HNRNPH1: variants seen among roughly 807,000 people sequenced by gnomAD.
HNRNPH1 encodes heterogeneous nuclear ribonucleoprotein H1.
A neutral mutation model predicts 58.6 loss-of-function variants in HNRNPH1; 4 were observed. The observed-to-expected ratio is 0.07, with a 90% CI of 0.03 to 0.16. HNRNPH1 has a LOEUF of 0.16. HNRNPH1 is among the 10% of genes least tolerant of loss of function. HNRNPH1 has a pLI of 1.00. For synonymous variants in HNRNPH1, 192 were observed against 189.2 expected (o/e 1.01, Z -0.12); for missense variants, 271 against 564.2 (o/e 0.48, Z 5.26).
intron 4 of HNRNPH1, 200 bp from the exon 6 acceptor site, chr5:179,618,523 A>G (rs974585717): frequency 9.3e-5 from 22 of 236,322 alleles, no homozygotes; most frequent in East Asian, 1.6e-4. Context: ...AACTTTATAG[A>G]AAAAAAAAAA....
chr5:179,623,850 C>G (rs534926634), exon 1 of HNRNPH1: 2 of 152,456 alleles, frequency 1.3e-5, no homozygotes, highest in Non-Finnish European at 1.5e-5. Context: ...CTCAGCACCC[C>G]CACCCATAAA....
At chr5:179,617,818 G>C in exon 7 of HNRNPH1, 2 of 1,613,902 alleles carry the variant, frequency 1.2e-6, no homozygotes, top group Non-Finnish European at 1.7e-6. Flanking sequence ...GTCATTCTCA[G>C]TAGCTCTGTA....
At chr5:179,627,548 T>C (rs2127734571), upstream of HNRNPH1, among the ~76,000 whole-genome samples, 1 of 151,720 alleles carries the variant, frequency 6.6e-6, no homozygotes, top group African/African-American at 2.4e-5. Flanking sequence ...GTCACTCAGG[T>C]TGGAGTGCAG....
Position 179,622,088 on chromosome 5 carries a change from C to A in HNRNPH1, c.98-691G>T. The A allele has an allele frequency of 1.2e-5, 5 of 426,616 alleles. 1 individual carries two copies. Among genetic ancestry groups the A allele is most frequent in the South Asian group, 8.3e-5 (5 of 60,042 alleles). The allele number at this position is 426,616 out of a possible 1,614,324, so 26.4% of individuals were successfully genotyped here. On this transcript the variant is annotated intron_variant, in intron 1 of 12. Coordinates refer to ENST00000356731, the Ensembl canonical transcript of HNRNPH1. The stretch of plus-strand genomic sequence containing the variant: ...CTTTTTCCCAGTCTAATAATAGGAA[C>A]AAGGACATTCTGATAGAAAATATTC...
At chr5:179,619,072 CAATT>C (rs2127646852) in intron 4 of HNRNPH1, 193 bp downstream of exon 5, 1 of 462,588 alleles carries the variant, frequency 2.2e-6, no homozygotes, top group East Asian at 3.7e-5. Context: ...TCAAGCAGAC[CAATT>C]AACTAGGGAC....
chr5:179,632,097 G>A (rs952972655), intron 2 of HNRNPH1, among the ~76,000 whole-genome samples: 1 of 152,052 alleles, frequency 6.6e-6, no homozygotes, highest in East Asian at 1.9e-4. Context: ...ACGAGGTCAG[G>A]AGATCGAGAC....
chr5:179,621,496 A>G (rs746435776), intron 1 of HNRNPH1, 99 bp from the exon 3 acceptor site: 57 of 1,014,940 alleles, frequency 5.6e-5, no homozygotes, highest in Middle Eastern at 3.2e-4. Flanking sequence ...TACAAATTAC[A>G]TAACTTGTGA....
At chr5:179,622,937 G>GCCCCGCCCCGCCCCA (rs1242817489) in intron 1 of HNRNPH1, 100 bp downstream of exon 2, 1 of 28,046 alleles carries the variant, frequency 3.6e-5, no homozygotes, top group Admixed American at 5.4e-4. Flanking sequence ...GGCCCGGCCC[G>GCCCCGCCCCGCCCCA]GCCCGGCCCG....
chr5:179,620,130 A>C (rs1771614684), intron 3 of HNRNPH1: 1 of 152,232 alleles, frequency 6.6e-6, no homozygotes, highest in Admixed American at 6.5e-5. Flanking sequence ...GATTTTAAAA[A>C]TTCTGACATT....
exon 11 of HNRNPH1, chr5:179,616,184 C>T (rs1769514814): frequency 1.9e-6 from 3 of 1,613,944 alleles, no homozygotes; most frequent in African/African-American, 1.3e-5. Context: ...CACTCAGCTG[C>T]TGGCTGGCTG....
chr5:179,628,145 G>A (rs1254670953), upstream of HNRNPH1, among the ~76,000 whole-genome samples: 6 of 151,816 alleles, frequency 4.0e-5, no homozygotes, highest in Non-Finnish European at 7.4e-5. Flanking sequence ...TTAATATTTG[G>A]ACATATAGAA....
exon 1 of HNRNPH1, chr5:179,623,041 A>T: frequency 1.3e-6 from 2 of 1,562,218 alleles, no homozygotes; most frequent in Non-Finnish European, 1.7e-6. Flanking sequence ...ACTCACCAGA[A>T]AAAAACCTCT....
chr5:179,621,671 T>C (rs762822718), intron 1 of HNRNPH1: 2 of 471,370 alleles, frequency 4.2e-6, no homozygotes, highest in Non-Finnish European at 7.7e-6. Flanking sequence ...CATGTCTACA[T>C]CACACATCTT....
chr5:179,629,064 G>GGC (rs1774610820), upstream of HNRNPH1: 3 of 148,912 alleles, frequency 2.0e-5, no homozygotes, highest in Non-Finnish European at 3.0e-5. Context: ...TTGGGAGGCC[G>GGC]AGGTGGGCAG....
upstream of HNRNPH1, among the ~76,000 whole-genome samples, chr5:179,626,900 CGAGTA>C (rs546536633): frequency 9.0e-3 from 1,364 of 151,622 alleles, 22 homozygotes; most frequent in African/African-American, 0.032. Context: ...CTCAGCCTCC[CGAGTA>C]GAGTAGCTGG....
intron 3 of HNRNPH1, 144 bp from the exon 5 acceptor site, chr5:179,619,551 G>T: frequency 1.6e-6 from 1 of 616,752 alleles, no homozygotes; most frequent in Non-Finnish European, 2.8e-6. Context: ...CTTTAAATAT[G>T]CATTGCAATA....
At chr5:179,623,131 C>T in exon 1 of HNRNPH1, 1 of 1,604,498 alleles carries the variant, frequency 6.2e-7, no homozygotes, top group South Asian at 1.1e-5. Flanking sequence ...TGCCCAACAT[C>T]ATCGTCTCTT....
At position 179,633,453 on chromosome 5, in the gene HNRNPH1, C is replaced by T. The variant is rs539762351; in HGVS notation, c.-32+612G>A. On this transcript the variant is annotated intron_variant, in intron 2 of 4. Coordinates refer to the HNRNPH1 transcript ENST00000521116. ...TGGGACTACAGGCACCCGCCCCACA[C>T]CCGGCTAATTTTTTTTTTTTTTTTT... Among the ~76,000 whole-genome samples, 404 of 146,836 alleles carry T rather than the reference C, an allele frequency of 2.8e-3. 1 individual carries two copies. Among genetic ancestry groups the T allele is most frequent in the Middle Eastern group, 6.8e-3 (2 of 292 alleles).
upstream of HNRNPH1, among the ~76,000 whole-genome samples, chr5:179,627,319 G>A (rs1343540962): frequency 4.0e-5 from 6 of 151,716 alleles, no homozygotes; most frequent in Non-Finnish European, 8.8e-5. Flanking sequence ...AGCCTCCTGA[G>A]TAGCTGGGAC....
Sources: allele counts gnomAD v4.1 joint callset (sites outside exome capture counted in the v4.1 genomes callset), GRCh38; gene constraint gnomAD v4.1.1; transcripts MANE v1.5; gene names NCBI Gene and HGNC (gene_info 2026-07-23, HGNC 2026-07-21).